The following ZGRF1 variants were observed in gnomAD, a reference collection of about 807,000 sequenced individuals.
The protein encoded by ZGRF1 is zinc finger GRF-type containing 1.
Under a neutral mutation model 203.5 loss-of-function variants are expected in ZGRF1, and 196 were observed. The observed-to-expected ratio is 0.96, with a 90% CI of 0.86 to 1.08. ZGRF1 has a LOEUF of 1.08. Ranked by LOEUF, ZGRF1 falls within the 50% of genes least tolerant of loss-of-function variation. The probability of loss-of-function intolerance (pLI) is 0.00; values close to 1 mark genes in which losing one functional copy is unlikely to be tolerated. For missense variants in ZGRF1, 2,326 were observed against 2,416.3 expected (o/e 0.96, Z 0.78); for synonymous variants, 809 against 841.3 (o/e 0.96, Z 0.66).
chr4:112,550,866 T>G (rs188804803), intron 22 of ZGRF1, among the ~76,000 whole-genome samples: 104 of 152,220 alleles, frequency 6.8e-4, no homozygotes, highest in Admixed American at 2.4e-3. Flanking sequence ...TTAAAAATTT[T>G]TTTAGAAGTC....
intron 10 of ZGRF1, among the ~76,000 whole-genome samples, chr4:112,602,875 G>A (rs1311646456): frequency 6.6e-6 from 1 of 152,146 alleles, no homozygotes; most frequent in Non-Finnish European, 1.5e-5. Context: ...GATATCTTAG[G>A]GAAAAGTGAA....
chr4:112,565,682 C>T (rs1215926578), intron 16 of ZGRF1, among the ~76,000 whole-genome samples: 12 of 152,058 alleles, frequency 7.9e-5, no homozygotes, highest in South Asian at 2.1e-4. Flanking sequence ...AAAAAGTGGG[C>T]GAAGGACATG....
At chr4:112,572,189 G>A (rs999445749) in intron 16 of ZGRF1, among the ~76,000 whole-genome samples, 9 of 152,102 alleles carry the variant, frequency 5.9e-5, no homozygotes, top group Admixed American at 3.9e-4. Context: ...GCATGGTACT[G>A]GTATAAAAAC....
intron 1 of ZGRF1, among the ~76,000 whole-genome samples, chr4:112,635,451 G>GTC (rs1215031786): frequency 6.6e-6 from 1 of 151,876 alleles, no homozygotes; most frequent in East Asian, 1.9e-4. Context: ...CAGAGACAGG[G>GTC]TCTCACTCTG....
chr4:112,546,847 C>T (rs1738875911), intron 24 of ZGRF1: 1 of 152,562 alleles, frequency 6.6e-6, no homozygotes, highest in Admixed American at 6.5e-5. Flanking sequence ...ACTTCTCAGC[C>T]TCCAGAACTA....
Position 112,617,615 on chromosome 4 carries a change from T to C in ZGRF1, c.2427A>G (p.Gln809=), listed in dbSNP as rs748784936. The C allele has an allele frequency of 7.4e-6, 12 of 1,613,324 alleles. No individual in the cohort carries two copies. In the South Asian group the frequency reaches 9.9e-5, roughly 13 times the overall value. ...CTGAAGAATTTCTAGGATTCCAGTA[T>C]TGTTTGCCTTCTCTGGCAGTTTCAA... ...VEVETAREGK[Q]YWNPRNSSEL... is the part of the protein sequence containing the mutation. Residue 809 remains glutamine, a synonymous_variant, in exon 6 of 28, where the codon CAA becomes CAG. Transcript: ENST00000505019.
At position 112,633,194 on chromosome 4, in the gene ZGRF1, T is replaced by C. The variant is rs1026361083; in HGVS notation, c.-18A>G. 2 of 1,604,122 alleles carry C rather than the reference T, an allele frequency of 1.2e-6. No homozygotes were observed. The highest frequency in any genetic ancestry group is 1.1e-5 in the South Asian group (1 of 90,436). ...CTTTCCATTATTTCTTCTGAAGTTATAAACCAGCTGGGTCCAGAAAATAGG... is the reference window on the plus strand; with the variant it reads ...CTTTCCATTATTTCTTCTGAAGTTACAAACCAGCTGGGTCCAGAAAATAGG... On this transcript the variant is annotated 5_prime_UTR_variant, in exon 2 of 28. Coordinates refer to ENST00000505019, the MANE Select transcript of ZGRF1 (RefSeq NM_018392.5).
At chr4:112,554,851 T>G in intron 20 of ZGRF1, 69 bp from the exon 21 acceptor site, 1 of 774,808 alleles carries the variant, frequency 1.3e-6, no homozygotes, top group Non-Finnish European at 2.1e-6. Flanking sequence ...ATATAATAAC[T>G]GTTACTACAA....
At chr4:112,599,552 T>A (rs1477628142) in intron 10 of ZGRF1, among the ~76,000 whole-genome samples, 1 of 147,534 alleles carries the variant, frequency 6.8e-6, no homozygotes, top group Non-Finnish European at 1.5e-5. Flanking sequence ...AGACCCTGTG[T>A]CTAAAAAAAA....
intron 16 of ZGRF1, among the ~76,000 whole-genome samples, chr4:112,573,366 C>CATA (rs1412681837): frequency 1.3e-5 from 2 of 151,774 alleles, no homozygotes; most frequent in East Asian, 3.9e-4. Flanking sequence ...GGTACAAAGG[C>CATA]ATAATAATAA....
chr4:112,586,746 G>T (rs901877730), intron 12 of ZGRF1, among the ~76,000 whole-genome samples, 163 bp from the exon 13 acceptor site: 1 of 152,054 alleles, frequency 6.6e-6, no homozygotes, highest in Non-Finnish European at 1.5e-5. Flanking sequence ...ACCAAATATA[G>T]CAAGAATAGC....
chr4:112,568,991 G>A (rs567496995), intron 16 of ZGRF1, among the ~76,000 whole-genome samples: 48 of 152,172 alleles, frequency 3.2e-4, no homozygotes, highest in African/African-American at 9.6e-4. Context: ...ACTCCAGCCT[G>A]GCGACAGAGC....
Position 112,620,155 on chromosome 4 carries a change from G to T in ZGRF1, c.198C>A (p.Tyr66Ter), listed in dbSNP as rs374286407. 2 of 1,608,278 alleles carry T rather than the reference G, an allele frequency of 1.2e-6. No homozygotes were observed. The highest frequency in any genetic ancestry group is 1.3e-5 in the African/African-American group (1 of 74,656). ...KPGDDLESDRYLITVEEVKVA... is the reference protein window; with the variant it reads ...KPGDDLESDR ...CTTTAACCTCTTCAACTGTGATTAA[G>T]TATCGATCACTTTCTAAGTCATCTC... is the stretch of plus-strand genomic sequence containing the variant. The change falls in exon 5 of 28, where the codon TAC becomes TAA. Residue 66 changes from tyrosine (Y) to a stop codon, truncating the protein, a stop_gained. Coordinates refer to ENST00000505019, the MANE Select transcript of ZGRF1 (RefSeq NM_018392.5). LOFTEE classifies it high-confidence loss of function.
At chr4:112,597,196 A>C (rs2149068959) in intron 10 of ZGRF1, among the ~76,000 whole-genome samples, 1 of 147,450 alleles carries the variant, frequency 6.8e-6, no homozygotes, top group South Asian at 2.2e-4. Flanking sequence ...CCTGGGTGAC[A>C]GAGCCAAACT....
intron 19 of ZGRF1, among the ~76,000 whole-genome samples, chr4:112,559,348 G>A (rs1025466566): frequency 1.3e-5 from 2 of 152,232 alleles, no homozygotes; most frequent in East Asian, 3.9e-4. Flanking sequence ...ACAGGTGCAT[G>A]CCTCCATGTC....
chr4:112,618,593 T>A lies in ZGRF1; in HGVS notation c.1449A>T (p.Lys483Asn). 1 of 1,613,784 alleles carries A rather than the reference T, an allele frequency of 6.2e-7. No individual in the cohort carries two copies. Among genetic ancestry groups the A allele is most frequent in the Non-Finnish European group, 8.5e-7 (1 of 1,179,858 alleles). The change falls in exon 6 of 28, where the codon AAA (lysine) becomes AAT (asparagine). Residue 483 changes from lysine (K) to asparagine (N), a missense_variant. Physicochemically the swap from Lys to Asn is moderately conservative, Grantham distance 94 (BLOSUM62 0). Coordinates refer to ENST00000505019, the MANE Select transcript of ZGRF1 (RefSeq NM_018392.5). The stretch of plus-strand genomic sequence containing the variant: ...TATTACTAGATTCAATTTGGAGATG[T>A]TTCAGTTCTGGCAGAGATGACTCTG... ...EQSESSLPEL[K>N]HLQIESSNNS... is the part of the protein sequence containing the mutation.
intron 10 of ZGRF1, among the ~76,000 whole-genome samples, chr4:112,591,392 G>A (rs1045523879): frequency 1.3e-5 from 2 of 152,186 alleles, no homozygotes; most frequent in African/African-American, 2.4e-5. Flanking sequence ...ACAGTATTCC[G>A]CTCTGTTCCC....
intron 13 of ZGRF1, 49 bp from the exon 14 acceptor site, chr4:112,585,774 TG>T: frequency 7.0e-7 from 1 of 1,420,976 alleles, no homozygotes; most frequent in South Asian, 1.4e-5. Context: ...AAAATAATTT[TG>T]TTTGTATCAC....
At chr4:112,608,533 T>C (rs1242713432) in intron 8 of ZGRF1, among the ~76,000 whole-genome samples, 1 of 152,050 alleles carries the variant, frequency 6.6e-6, no homozygotes, top group Non-Finnish European at 1.5e-5. Context: ...GGGAAGAGAA[T>C]TGCTTGAACC....
Sources: allele counts gnomAD v4.1 joint callset (sites outside exome capture counted in the v4.1 genomes callset), GRCh38; gene constraint gnomAD v4.1.1; transcripts MANE v1.5; gene names NCBI Gene and HGNC (gene_info 2026-07-23, HGNC 2026-07-21).